The following BCKDHB variants were observed in gnomAD, a reference collection of about 807,000 sequenced individuals.
BCKDHB encodes the protein 2-oxoisovalerate dehydrogenase subunit beta, mitochondrial.
BCKDHB carries 41 observed loss-of-function variants against 48.5 expected under a neutral mutation model. That is an observed-to-expected ratio of 0.85 (90% CI 0.66 to 1.10). The LOEUF (loss-of-function observed/expected upper bound fraction) is 1.10, where lower values mean the gene tolerates loss of function less well. Ranked by LOEUF, BCKDHB falls within the 50% of genes least tolerant of loss-of-function variation. The pLI is 0.00. For synonymous variants in BCKDHB, 201 were observed against 174.8 expected, an observed-to-expected ratio of 1.15 and a Z score of -1.18; for missense variants, 496 against 494.2, an observed-to-expected ratio of 1.00 and a Z score of -0.03.
At chr6:80,301,136 GGA>G (rs983299016) in intron 9 of BCKDHB, among the ~76,000 whole-genome samples, 5 of 6,578 alleles carry the variant, frequency 7.6e-4, no homozygotes, top group African/African-American at 1.6e-3. Context: ...GAACTAGGAA[GGA>G]AAAAAAAAGA....
the BCKDHB span, among the ~76,000 whole-genome samples, chr6:80,432,920 C>G: frequency 6.6e-6 from 1 of 152,200 alleles, no homozygotes; most frequent in African/African-American, 2.4e-5. Flanking sequence ...GTTAGCCCCT[C>G]TGCTGTAGGT....
intron 1 of BCKDHB, among the ~76,000 whole-genome samples, chr6:80,113,741 C>T (rs578197482): frequency 3.9e-5 from 6 of 152,082 alleles, no homozygotes; most frequent in South Asian, 2.1e-4. Context: ...CAACAAAAGC[C>T]GAGATTTATT....
chr6:80,186,848 A>G (rs529253199), intron 6 of BCKDHB, among the ~76,000 whole-genome samples: 1 of 152,346 alleles, frequency 6.6e-6, no homozygotes, highest in South Asian at 2.1e-4. Flanking sequence ...TTTTAACTTC[A>G]GATGAGATTA....
intron 3 of BCKDHB, among the ~76,000 whole-genome samples, chr6:80,130,355 A>AT (rs944837686): frequency 1.3e-5 from 2 of 151,712 alleles, no homozygotes; most frequent in African/African-American, 4.8e-5. Flanking sequence ...GGTCTTTAAA[A>AT]TTTTTTTTTA....
chr6:80,150,618 G>A (rs1392480197), intron 3 of BCKDHB, among the ~76,000 whole-genome samples: 7 of 144,174 alleles, frequency 4.9e-5, no homozygotes, highest in Non-Finnish European at 9.0e-5. Context: ...GTGCAGTGGT[G>A]CGATCTTGGC....
chr6:80,165,918 C>T (rs1772545770), intron 3 of BCKDHB, among the ~76,000 whole-genome samples: 1 of 152,114 alleles, frequency 6.6e-6, no homozygotes, highest in Non-Finnish European at 1.5e-5. Context: ...CCATGCTGTG[C>T]CCTTCTTTTA....
Position 80,148,340 on chromosome 6 carries a change from T to C in BCKDHB, c.343+19111T>C, listed in dbSNP as rs77568001. 8.4e-4 allele frequency among the ~76,000 whole-genome samples: 128 copies of C among 152,258 alleles called. 2 individuals carry two copies. In the East Asian group the frequency reaches 0.022, roughly 26 times the overall value. ...TCCTTCTGCATATATGCTTATTAGT[T>C]TCAGATCAGTGTAGAAACCTTTCTG... On this transcript the variant is annotated intron_variant, in intron 3 of 9. Coordinates refer to ENST00000320393, the MANE Select transcript of BCKDHB (RefSeq NM_183050.4).
intron 8 of BCKDHB, among the ~76,000 whole-genome samples, chr6:80,254,636 G>A (rs1776973853): frequency 1.3e-5 from 2 of 152,226 alleles, no homozygotes; most frequent in African/African-American, 4.8e-5. Flanking sequence ...GGAGTTCGAG[G>A]TTACAATGAG....
the BCKDHB span, among the ~76,000 whole-genome samples, chr6:80,389,262 G>A: frequency 2.0e-5 from 3 of 152,320 alleles, no homozygotes; most frequent in Non-Finnish European, 4.4e-5. Context: ...GGCAGGGATG[G>A]AGGTTACACA....
chr6:80,182,016 A>T (rs1015034560), intron 6 of BCKDHB, among the ~76,000 whole-genome samples: 2 of 152,178 alleles, frequency 1.3e-5, no homozygotes, highest in Non-Finnish European at 2.9e-5. Flanking sequence ...AACGTATATT[A>T]TTAATTTATT....
At chr6:80,333,027 A>G (rs1769399570) in intron 9 of BCKDHB, among the ~76,000 whole-genome samples, 1 of 152,196 alleles carries the variant, frequency 6.6e-6, no homozygotes, top group African/African-American at 2.4e-5. Flanking sequence ...CCCAAAAAGG[A>G]ATTAAACGGC....
At chr6:80,318,441 C>G (rs1768550050) in intron 9 of BCKDHB, among the ~76,000 whole-genome samples, 1 of 152,066 alleles carries the variant, frequency 6.6e-6, no homozygotes, top group South Asian at 2.1e-4. Context: ...AATCCTAGCA[C>G]TTTGGGAGGC....
chr6:80,156,231 A>T (rs533417813), intron 3 of BCKDHB, among the ~76,000 whole-genome samples: 2 of 151,758 alleles, frequency 1.3e-5, no homozygotes, highest in Non-Finnish European at 2.9e-5. Flanking sequence ...GGTCATCTGA[A>T]TCATTTGCCA....
rs575632860 is a variant in BCKDHB at position 80,127,745 on chromosome 6, A to G, written c.274+121A>G. On this transcript the variant is annotated intron_variant, in intron 2 of 9. Coordinates refer to ENST00000320393, the MANE Select transcript of BCKDHB (RefSeq NM_183050.4). ...GTATCTACCTGACATTTTCAAAGGT[A>G]TGATTGGGGCTAAATAATCAAATTG... 1.7e-4 allele frequency: 156 copies of G among 930,852 alleles called. No homozygotes were observed. In the African/African-American group the frequency reaches 2.4e-3, roughly 14 times the overall value. 57.7% of individuals were successfully genotyped at this position (930,852 alleles called of 1,614,324 possible).
At chr6:80,254,184 A>T (rs1218178892) in intron 8 of BCKDHB, among the ~76,000 whole-genome samples, 1 of 151,330 alleles carries the variant, frequency 6.6e-6, no homozygotes, top group Non-Finnish European at 1.5e-5. Context: ...CTAATATATT[A>T]TTAATTTATT....
the BCKDHB span, among the ~76,000 whole-genome samples, chr6:80,352,151 G>GTTGTT: frequency 0.21 from 30,402 of 147,270 alleles, 3,550 homozygotes; most frequent in South Asian, 0.37. Flanking sequence ...TGTTGTTGTT[G>GTTGTT]TTTTTTTTTT....
chr6:80,326,263 T>C (rs1051179014), intron 9 of BCKDHB, among the ~76,000 whole-genome samples: 1 of 152,178 alleles, frequency 6.6e-6, no homozygotes, highest in Non-Finnish European at 1.5e-5. Flanking sequence ...AAGCTTACTA[T>C]AGCAGAGCCT....
intron 8 of BCKDHB, among the ~76,000 whole-genome samples, chr6:80,236,764 A>G (rs1776163947): frequency 6.6e-6 from 1 of 152,170 alleles, no homozygotes; most frequent in Non-Finnish European, 1.5e-5. Flanking sequence ...TTTATCTGTT[A>G]TGTGTATGTA....
the BCKDHB span, among the ~76,000 whole-genome samples, chr6:80,464,769 A>G: frequency 6.6e-6 from 1 of 152,228 alleles, no homozygotes; most frequent in Non-Finnish European, 1.5e-5. Flanking sequence ...ATTCTAGGAT[A>G]GTGAAGATAG....
Sources: allele counts gnomAD v4.1 joint callset (sites outside exome capture counted in the v4.1 genomes callset), GRCh38; gene constraint gnomAD v4.1.1; transcripts MANE v1.5; gene names NCBI Gene and HGNC (gene_info 2026-07-23, HGNC 2026-07-21).